ME1: variants seen among roughly 807,000 people sequenced by gnomAD.
The protein encoded by ME1 is malic enzyme 1, also known as NADP-dependent malic enzyme.
ME1 carries 74 observed loss-of-function variants against 66.4 expected under a neutral mutation model. The observed-to-expected ratio is 1.11, with a 90% CI of 0.92 to 1.35. ME1 has a LOEUF of 1.35. Among genes scored for constraint, ME1 ranks in the 40% most tolerant of loss-of-function variants. ME1 has a pLI of 0.00. For synonymous variants in ME1, 251 were observed against 235.6 expected, an observed-to-expected ratio of 1.07 and a Z score of -0.60; for missense variants, 750 against 694.1, an observed-to-expected ratio of 1.08 and a Z score of -0.90.
At chr6:83,429,532 G>A (rs1770441690) in intron 1 of ME1, among the ~76,000 whole-genome samples, 1 of 152,050 alleles carries the variant, frequency 6.6e-6, no homozygotes, top group South Asian at 2.1e-4. Flanking sequence ...CTGAAAATAG[G>A]TGGCAAACCT....
At chr6:83,340,670 T>C (rs1175462946) in intron 5 of ME1, among the ~76,000 whole-genome samples, 2 of 142,252 alleles carry the variant, frequency 1.4e-5, no homozygotes, top group African/African-American at 5.4e-5. Context: ...AGCAATTTCT[T>C]GTTATGTGCT....
intron 5 of ME1, among the ~76,000 whole-genome samples, chr6:83,340,642 G>T (rs1010633991): frequency 1.3e-5 from 2 of 151,412 alleles, no homozygotes; most frequent in African/African-American, 2.4e-5. Flanking sequence ...GGGAGCATGG[G>T]TAAATATGAG....
chr6:83,299,995 C>T (rs1272157070), intron 6 of ME1, among the ~76,000 whole-genome samples: 2 of 152,072 alleles, frequency 1.3e-5, no homozygotes, highest in East Asian at 1.9e-4. Context: ...CTGCTGGATT[C>T]GGTTTGCCAA....
At chr6:83,294,159 A>G (rs891026086) in intron 6 of ME1, among the ~76,000 whole-genome samples, 3 of 152,226 alleles carry the variant, frequency 2.0e-5, no homozygotes, top group African/African-American at 7.2e-5. Flanking sequence ...ACTGAAATAC[A>G]TGCACAATAC....
At chr6:83,278,624 T>A (rs1767234331) in intron 6 of ME1, among the ~76,000 whole-genome samples, 1 of 151,986 alleles carries the variant, frequency 6.6e-6, no homozygotes, top group Admixed American at 6.6e-5. Flanking sequence ...AGAGTCTTTT[T>A]TTTTTTAATT....
chr6:83,298,414 G>A (rs1269667653), intron 6 of ME1, among the ~76,000 whole-genome samples: 1 of 150,598 alleles, frequency 6.6e-6, no homozygotes, highest in South Asian at 2.1e-4. Context: ...GGGGCTGTGT[G>A]TTTTTTTTTA....
intron 13 of ME1, among the ~76,000 whole-genome samples, chr6:83,216,016 G>A (rs1342194544): frequency 1.3e-5 from 2 of 152,132 alleles, no homozygotes; most frequent in Non-Finnish European, 2.9e-5. Context: ...CAGCTTTCAA[G>A]TTCTTTGACC....
Position 83,406,265 on chromosome 6 carries a change from A to C in ME1, c.212+1503T>G, listed in dbSNP as rs113715936. 8.0e-3 allele frequency among the ~76,000 whole-genome samples: 1,213 copies of C among 152,302 alleles called. 37 individuals carry two copies. The highest frequency in any genetic ancestry group is 0.07 in the East Asian group (361 of 5,182). On this transcript the variant is annotated intron_variant, in intron 2 of 13. Coordinates refer to ENST00000369705, the MANE Select transcript of ME1 (RefSeq NM_002395.6). ...ATTGAGGATTTTCACATCGATGTTC[A>C]TCAGGGATATTAGCCTGATGTTTTC...
chr6:83,405,958 T>C (rs923945348), intron 2 of ME1, among the ~76,000 whole-genome samples: 36 of 152,136 alleles, frequency 2.4e-4, no homozygotes, highest in Non-Finnish European at 4.6e-4. Context: ...CCTGAACTCG[T>C]GATCCGCCCA....
rs1790546691 is a variant in ME1, at chr6:83,243,454, GATTATATTTATATATTTATA to G, written c.815-3838_815-3819del. ...ATTTATATAATATATTATATAATTA[GATTATATTTATATATTTATA>G]TAATCTATTATAATTATGTTATATT... On this transcript the variant is annotated intron_variant, in intron 7 of 13. Transcript: ENST00000369705. Among the ~76,000 whole-genome samples the G allele has an allele frequency of 9.4e-5, 7 of 74,428 alleles. No homozygotes were observed. The South Asian group carries it at 2.3e-3, about 24-fold the overall frequency. The allele number at this position is 74,428 out of a possible 152,430, so 48.8% of individuals were successfully genotyped here. A position where few individuals can be genotyped will look rare whatever the true frequency, so the allele number is the denominator to read the frequency against.
chr6:83,361,310 T>G (rs1769003289), intron 3 of ME1, among the ~76,000 whole-genome samples: 1 of 152,220 alleles, frequency 6.6e-6, no homozygotes, highest in Non-Finnish European at 1.5e-5. Context: ...TTGCTGCATT[T>G]GGCCCCTCCT....
intron 12 of ME1, 22 bp downstream of exon 12, chr6:83,223,738 A>T: frequency 6.2e-7 from 1 of 1,609,414 alleles, no homozygotes; most frequent in Non-Finnish European, 8.5e-7. Flanking sequence ...ACCCTTGGTA[A>T]ACTTAGAGGA....
chr6:83,236,355 A>C (rs754829467), intron 9 of ME1, among the ~76,000 whole-genome samples: 1 of 152,156 alleles, frequency 6.6e-6, no homozygotes, highest in Non-Finnish European at 1.5e-5. Context: ...GTGGCTCAAA[A>C]ATATAAACTT....
chr6:83,227,859 T>C (rs1247615612), intron 10 of ME1, among the ~76,000 whole-genome samples: 1 of 152,232 alleles, frequency 6.6e-6, no homozygotes, highest in Non-Finnish European at 1.5e-5. Context: ...AAACCAACGC[T>C]ATCACTTAAG....
Position 83,418,569 on chromosome 6 carries a change from A to G in ME1, c.79-10668T>C, listed in dbSNP as rs553848717. Among the ~76,000 whole-genome samples the G allele has an allele frequency of 1.1e-4, 17 of 152,298 alleles. No homozygotes were observed. The South Asian group carries it at 3.3e-3, about 30-fold the overall frequency. On this transcript the variant is annotated intron_variant, in intron 1 of 13. Coordinates refer to ENST00000369705, the MANE Select transcript of ME1 (RefSeq NM_002395.6). ...CCAGAAACACTCTCACTGACACTAC[A>G]AGAGTTACAAGAGTAATGTTTGAAC...
At chr6:83,296,228 T>C (rs1346717681) in intron 6 of ME1, among the ~76,000 whole-genome samples, 1 of 151,952 alleles carries the variant, frequency 6.6e-6, no homozygotes, top group African/African-American at 2.4e-5. Flanking sequence ...TTCAGATCAA[T>C]ATCCCTGATT....
At chr6:83,291,761 A>C (rs936378306) in intron 6 of ME1, among the ~76,000 whole-genome samples, 4 of 152,084 alleles carry the variant, frequency 2.6e-5, no homozygotes, top group Non-Finnish European at 5.9e-5. Flanking sequence ...TACACCAGTC[A>C]AATGTAGATT....
chr6:83,245,036 G>A (rs749137585), intron 7 of ME1, among the ~76,000 whole-genome samples: 7 of 152,034 alleles, frequency 4.6e-5, no homozygotes, highest in Non-Finnish European at 1.0e-4. Context: ...GGCTGAAGAT[G>A]GATGGCAGTA....
chr6:83,285,132 T>C (rs935405809), intron 6 of ME1, among the ~76,000 whole-genome samples: 8 of 152,310 alleles, frequency 5.3e-5, no homozygotes, highest in South Asian at 2.1e-4. Context: ...ATCACAAAAC[T>C]GATTAATACG....
Sources: gnomAD v4.1 joint callset for allele counts (sites outside exome capture counted in the v4.1 genomes callset) on GRCh38, gnomAD v4.1.1 for gene constraint, MANE v1.5 for transcripts, NCBI Gene and HGNC (gene_info 2026-07-23, HGNC 2026-07-21) for gene names.